Variants in ARFGEF2 observed in about 807,000 individuals in gnomAD.
The protein encoded by ARFGEF2 is ARF guanine nucleotide exchange factor 2.
A neutral mutation model predicts 219.9 loss-of-function variants in ARFGEF2; 74 were observed. The observed-to-expected ratio is 0.34, with a 90% CI of 0.28 to 0.41. The LOEUF is 0.41. Among genes scored for constraint, ARFGEF2 ranks in the 10% least tolerant of loss-of-function variants. The pLI is 1.00. For synonymous variants in ARFGEF2, 733 were observed against 799.2 expected, an observed-to-expected ratio of 0.92 and a Z score of 1.40; for missense variants, 1,743 against 2,218.3, an observed-to-expected ratio of 0.79 and a Z score of 4.30.
intron 6 of ARFGEF2, among the ~76,000 whole-genome samples, chr20:48,954,787 C>T (rs1302597051): frequency 1.3e-5 from 2 of 152,068 alleles, no homozygotes; most frequent in East Asian, 1.9e-4. Context: ...AGGGTGAGCA[C>T]GGAGTTGCCT....
chr20:48,993,179 G>A (rs915901436), intron 21 of ARFGEF2, among the ~76,000 whole-genome samples: 2 of 152,214 alleles, frequency 1.3e-5, no homozygotes, highest in Non-Finnish European at 2.9e-5. Context: ...TAGCCTGGGA[G>A]GTATTATCAA....
chr20:49,029,981 C>T (rs2123580193), intron 37 of ARFGEF2, among the ~76,000 whole-genome samples: 1 of 146,134 alleles, frequency 6.8e-6, no homozygotes, highest in South Asian at 2.1e-4. Context: ...GATCTTGGCT[C>T]ACTGCCACCT....
chr20:48,941,771 C>T, intron 2 of ARFGEF2, 93 bp from the exon 3 acceptor site: 2 of 1,588,564 alleles, frequency 1.3e-6, no homozygotes, highest in Non-Finnish European at 1.7e-6. Flanking sequence ...TTTGCAGGCA[C>T]TTTAAATTAA....
chr20:48,975,759 C>T (rs150005016), intron 13 of ARFGEF2, among the ~76,000 whole-genome samples: 2 of 142,144 alleles, frequency 1.4e-5, no homozygotes, highest in East Asian at 4.3e-4. Context: ...CGAGATCGTG[C>T]CACTGCACTC....
At chr20:48,971,041 G>T in intron 9 of ARFGEF2, 79 bp from the exon 10 acceptor site, 1 of 1,169,454 alleles carries the variant, frequency 8.6e-7, no homozygotes, top group South Asian at 1.2e-5. Context: ...ATTGGTAAAG[G>T]AGCAAGGCCT....
At position 48,972,318 on chromosome 20, in the gene ARFGEF2, T is replaced by C. The variant is rs1555810408; in HGVS notation, c.1426-8T>C. The C allele has an allele frequency of 6.3e-7, 1 of 1,596,622 alleles. No homozygotes were observed. ...ATTAGTGTCCTCCTTTGTCTTTATG[T>C]CATATAGGTCTTTTTCAAAGAGATT... On this transcript the variant is annotated splice_polypyrimidine_tract_variant and splice_region_variant and intron_variant, in intron 10 of 38. Coordinates refer to ENST00000371917, the MANE Select transcript of ARFGEF2 (RefSeq NM_006420.3).
At chr20:48,978,344 T>G (rs1057172433) in intron 14 of ARFGEF2, among the ~76,000 whole-genome samples, 26 of 152,260 alleles carry the variant, frequency 1.7e-4, no homozygotes, top group African/African-American at 6.3e-4. Flanking sequence ...CTCTCTGTTT[T>G]GGTACCAGTA....
Position 49,023,122 on chromosome 20 carries a change from A to G in ARFGEF2, c.4696A>G (p.Ile1566Val), listed in dbSNP as rs2123556936. 6.2e-7 allele frequency: 1 copy of G among 1,614,182 alleles called. No homozygotes were observed. The highest frequency in any genetic ancestry group is 8.5e-7 in the Non-Finnish European group (1 of 1,180,030). Reference sequence around the variant, plus strand: ...GGAATTGATACAGACCATTGACAACATTGTGTTCTACCCTGCGACGAGCAA... The same window carrying G: ...GGAATTGATACAGACCATTGACAACGTTGTGTTCTACCCTGCGACGAGCAA... ...QLELIQTIDNIVFYPATSKKE... is the reference protein window; with the variant it reads ...QLELIQTIDNVVFYPATSKKE... The change falls in exon 35 of 39, where the codon ATT (isoleucine) becomes GTT (valine). Residue 1566 changes from isoleucine to valine, a missense_variant. This residue lies in a region of ARFGEF2 where 578 missense variants were observed against 664.0 expected (regional missense o/e 0.87). Transcript: ENST00000371917.
chr20:49,028,288 G>A (rs1045807841), intron 36 of ARFGEF2, among the ~76,000 whole-genome samples: 6 of 151,996 alleles, frequency 3.9e-5, no homozygotes, highest in Admixed American at 3.3e-4. Context: ...AGGCATGGTG[G>A]CACACATCTA....
At chr20:48,941,266 A>C in intron 2 of ARFGEF2, 37 bp downstream of exon 2, 1 of 1,607,768 alleles carries the variant, frequency 6.2e-7, no homozygotes, top group Non-Finnish European at 8.5e-7. Context: ...GAGATACGGC[A>C]TGAAGGGAGT....
At chr20:48,922,484 T>G (rs773571403) in intron 1 of ARFGEF2, among the ~76,000 whole-genome samples, 6 of 152,176 alleles carry the variant, frequency 3.9e-5, no homozygotes, top group Non-Finnish European at 7.4e-5. Context: ...TTTGGGGATC[T>G]CCCATAGCTC....
At chr20:49,022,966 G>A in intron 34 of ARFGEF2, 85 bp from the exon 35 acceptor site, 9 of 1,565,126 alleles carry the variant, frequency 5.8e-6, no homozygotes, top group African/African-American at 1.4e-5. Flanking sequence ...AATAAATCAT[G>A]CCTTGCACAT....
At chr20:49,007,000 C>T (rs2091465150) in intron 26 of ARFGEF2, among the ~76,000 whole-genome samples, 1 of 151,554 alleles carries the variant, frequency 6.6e-6, no homozygotes, top group South Asian at 2.1e-4. Context: ...GGATTTTAAG[C>T]AGAGAAGTGA....
chr20:49,003,841 A>G (rs1029102655), intron 25 of ARFGEF2, among the ~76,000 whole-genome samples: 1 of 152,306 alleles, frequency 6.6e-6, no homozygotes, highest in African/African-American at 2.4e-5. Flanking sequence ...ATAGACAAGT[A>G]CAATTTTTAA....
intron 7 of ARFGEF2, among the ~76,000 whole-genome samples, chr20:48,964,957 T>C (rs1242247691): frequency 6.6e-6 from 1 of 152,252 alleles, no homozygotes; most frequent in African/African-American, 2.4e-5. Context: ...ATGTCTATAC[T>C]GGGATACAGT....
At chr20:48,958,353 C>T (rs767311860) in intron 6 of ARFGEF2, among the ~76,000 whole-genome samples, 11 of 152,088 alleles carry the variant, frequency 7.2e-5, no homozygotes, top group Admixed American at 2.6e-4. Context: ...AGCAGGGACC[C>T]GGACCAGGCA....
chr20:48,993,678 A>C (rs968099223), intron 21 of ARFGEF2, among the ~76,000 whole-genome samples: 1 of 152,166 alleles, frequency 6.6e-6, no homozygotes, highest in African/African-American at 2.4e-5. Flanking sequence ...AGTTGGGACC[A>C]GTTTCTGTTT....
chr20:48,960,386 G>A (rs1471376185), intron 6 of ARFGEF2, among the ~76,000 whole-genome samples: 5 of 152,208 alleles, frequency 3.3e-5, no homozygotes, highest in Admixed American at 2.6e-4. Context: ...GTCAGTGAGT[G>A]AGCAGTGAGT....
chr20:49,016,308 A>G lies in ARFGEF2; in HGVS notation c.4208A>G (p.Asn1403Ser), dbSNP rs776699871. 2.5e-6 allele frequency: 4 copies of G among 1,614,074 alleles called. No homozygotes were observed. Among genetic ancestry groups the G allele is most frequent in the Non-Finnish European group, 3.4e-6 (4 of 1,179,978 alleles). The change falls in exon 31 of 39, where the codon AAT becomes AGT. Residue 1403 changes from asparagine (N) to serine (S), a missense_variant. This residue lies in a region of ARFGEF2 where 578 missense variants were observed against 664.0 expected (regional missense o/e 0.87). Coordinates refer to ENST00000371917, the MANE Select transcript of ARFGEF2 (RefSeq NM_006420.3). ...TCTGAGTGGATGACAACAACCTGCA[A>G]TCACGCACTTTATGCTATTTGTGAT... ...EKSEWMTTTC[N>S]HALYAICDVF... is the part of the protein sequence containing the mutation.
Sources: gnomAD v4.1 joint callset for allele counts (sites outside exome capture counted in the v4.1 genomes callset) on GRCh38, gnomAD v4.1.1 for gene constraint, gnomAD v4.1.1 regional missense constraint, MANE v1.5 for transcripts, NCBI Gene and HGNC (gene_info 2026-07-23, HGNC 2026-07-21) for gene names.